The following BRWD1 variants were observed in gnomAD, a reference collection of about 807,000 sequenced individuals.
BRWD1 encodes bromodomain and WD repeat-containing protein 1.
A neutral mutation model predicts 251.2 loss-of-function variants in BRWD1; 82 were observed. That is an observed-to-expected ratio of 0.33 (90% confidence interval 0.27 to 0.39). The LOEUF (loss-of-function observed/expected upper bound fraction) is 0.39. BRWD1 is among the 10% of genes least tolerant of loss of function. BRWD1 has a pLI of 1.00. For synonymous variants in BRWD1, 918 were observed against 902.8 expected, an observed-to-expected ratio of 1.02 and a Z score of -0.30; for missense variants, 2,233 against 2,711.6, an observed-to-expected ratio of 0.82 and a Z score of 3.92.
At position 39,196,935 on chromosome 21, in the gene BRWD1, T is replaced by C. The variant is rs2146454650; in HGVS notation, c.6134A>G (p.Lys2045Arg). The change falls in exon 41 of 41, where the codon AAA (lysine) becomes AGA (arginine). Residue 2045 changes from lysine to arginine, a missense_variant. By Grantham distance (26) the Lys-to-Arg change is conservative. This residue lies in a region of BRWD1 where 928 missense variants were observed against 970.0 expected (regional missense o/e 0.96). Coordinates refer to ENST00000342449, the MANE Select transcript of BRWD1 (RefSeq NM_033656.4). ...TCCTGAAGATGTAACAGAGGAACTT[T>C]TTCTTTTAGAAGGTGCATCTATTTT... ...IHKIDAPSKR[K>R]SSSVTSSGED... The C allele has an allele frequency of 1.2e-6, 2 of 1,613,918 alleles. No individual in the cohort carries two copies. The highest frequency in any genetic ancestry group is 1.7e-5 in the Admixed American group (1 of 60,016).
At chr21:39,211,350 G>T (rs2032649079) in intron 34 of BRWD1, among the ~76,000 whole-genome samples, 1 of 152,154 alleles carries the variant, frequency 6.6e-6, no homozygotes, top group Non-Finnish European at 1.5e-5. Flanking sequence ...AAGGTATTTT[G>T]CATTAAGGGT....
In BRWD1 at chr21:39,187,699, A is replaced by G; in HGVS notation, c.*8560T>C. The G allele has an allele frequency of 1.0e-6, 1 of 985,382 alleles. No homozygotes were observed. Among genetic ancestry groups the G allele is most frequent in the African/African-American group, 1.7e-5 (1 of 57,360 alleles). The allele number at this position is 985,382 out of a possible 1,614,324, so 61.0% of individuals were successfully genotyped here. A position where few individuals can be genotyped will look rare whatever the true frequency, so the allele number is the denominator to read the frequency against. On this transcript the variant is annotated 3_prime_UTR_variant, in exon 41 of 41. Transcript: ENST00000342449. ...CGGCATCATAAAGCTGCTAATCTAA[A>G]AACATATATATGAGCATTTTACATA...
At chr21:39,266,198 A>T (rs2034915644) in intron 15 of BRWD1, among the ~76,000 whole-genome samples, 1 of 152,208 alleles carries the variant, frequency 6.6e-6, no homozygotes, top group Non-Finnish European at 1.5e-5. Context: ...GACAATTAGC[A>T]AACGTGGAAA....
Position 39,192,813 on chromosome 21 carries a change from C to T in BRWD1, c.*3446G>A. The T allele has an allele frequency of 2.0e-6, 2 of 985,114 alleles. No individual in the cohort carries two copies. Among genetic ancestry groups the T allele is most frequent in the Non-Finnish European group, 1.2e-6 (1 of 829,752 alleles). 61.0% of individuals were successfully genotyped at this position (985,114 alleles called of 1,614,324 possible). A position where few individuals can be genotyped will look rare whatever the true frequency, so the allele number is the denominator to read the frequency against. On this transcript the variant is annotated 3_prime_UTR_variant, in exon 41 of 41. Coordinates refer to ENST00000342449, the MANE Select transcript of BRWD1 (RefSeq NM_033656.4). ...TTCTTGCATTCTACTGATATACAAA[C>T]CTCTGGGGTTTCAGTTGGCACAATC...
intron 15 of BRWD1, among the ~76,000 whole-genome samples, chr21:39,268,559 A>G (rs150943029): frequency 2.4e-4 from 37 of 152,278 alleles, no homozygotes; most frequent in African/African-American, 8.2e-4. Flanking sequence ...TTAAAAAACT[A>G]TAACAATCTA....
At chr21:39,204,894 G>A (rs895817998) in intron 37 of BRWD1, among the ~76,000 whole-genome samples, 1 of 152,170 alleles carries the variant, frequency 6.6e-6, no homozygotes, top group Non-Finnish European at 1.5e-5. Flanking sequence ...ATGCTTGTTT[G>A]CCAGCCAATC....
chr21:39,216,339 T>C (rs1035402511), intron 31 of BRWD1, among the ~76,000 whole-genome samples: 1 of 152,012 alleles, frequency 6.6e-6, no homozygotes, highest in African/African-American at 2.4e-5. Flanking sequence ...TGTAGTTAAA[T>C]AGAAATTTAA....
chr21:39,239,303 T>C (rs1601355900), intron 21 of BRWD1, among the ~76,000 whole-genome samples: 1 of 152,116 alleles, frequency 6.6e-6, no homozygotes, highest in Non-Finnish European at 1.5e-5. Flanking sequence ...TTCTAGAAGT[T>C]TTATGGTTTT....
At chr21:39,230,104 C>T (rs2033551322) in intron 25 of BRWD1, among the ~76,000 whole-genome samples, 1 of 152,186 alleles carries the variant, frequency 6.6e-6, no homozygotes, top group African/African-American at 2.4e-5. Context: ...TCTACTTATT[C>T]ATAAGTGTTC....
rs992219024 is a variant in BRWD1, at chr21:39,192,238, C to T, written c.*4021G>A. 3 of 967,940 alleles carry T rather than the reference C, an allele frequency of 3.1e-6. No individual in the cohort carries two copies. Among genetic ancestry groups the T allele is most frequent in the Non-Finnish European group, 2.4e-6 (2 of 824,328 alleles). The allele number at this position is 967,940 out of a possible 1,614,324, so 60.0% of individuals were successfully genotyped here. On this transcript the variant is annotated 3_prime_UTR_variant, in exon 41 of 41. Coordinates refer to ENST00000342449, the MANE Select transcript of BRWD1 (RefSeq NM_033656.4). Reference sequence around the variant, plus strand: ...CTTAAAATCGTAAGAAAAGACAACACAGCCCTTAGCATTACATACTTTACT... The same window carrying T: ...CTTAAAATCGTAAGAAAAGACAACATAGCCCTTAGCATTACATACTTTACT...
At position 39,199,266 on chromosome 21, in the gene BRWD1, T is replaced by C; in HGVS notation, c.5150A>G (p.Asn1717Ser). 1 of 1,614,212 alleles carries C rather than the reference T, an allele frequency of 6.2e-7. No individual in the cohort carries two copies. The highest frequency in any genetic ancestry group is 8.5e-7 in the Non-Finnish European group (1 of 1,180,040). The change falls in exon 40 of 41, where the codon AAC becomes AGC. Residue 1717 changes from asparagine (N) to serine (S), a missense_variant. Physicochemically the swap from Asn to Ser is conservative, Grantham distance 46. Around this residue, in one of 12 missense-constraint regions of BRWD1, gnomAD observed 928 missense variants for 970.0 expected, o/e 0.96. Coordinates refer to ENST00000342449, the MANE Select transcript of BRWD1 (RefSeq NM_033656.4). Reference sequence around the variant, plus strand: ...ATCACTTTCTGACTCTGAGTCTCTGTTTTCAGATTCATCAACATTGCTCTG... The same window carrying C: ...ATCACTTTCTGACTCTGAGTCTCTGCTTTCAGATTCATCAACATTGCTCTG... ...TAQSNVDESE[N>S]RDSESESDLR...
At position 39,294,183 on chromosome 21, in the gene BRWD1, G is replaced by C. The variant is rs570099958; in HGVS notation, c.610-151C>G. ...ATGTAATAAATTATGACTATGGTCA[G>C]AACACCTATGGAATAATAGTATTTT... is the stretch of plus-strand genomic sequence containing the variant. On this transcript the variant is annotated intron_variant, in intron 7 of 40. Coordinates refer to ENST00000342449, the MANE Select transcript of BRWD1 (RefSeq NM_033656.4). The C allele has an allele frequency of 1.8e-5, 12 of 675,030 alleles. No homozygotes were observed. The Admixed American group carries it at 3.2e-4, about 18-fold the overall frequency. The allele number at this position is 675,030 out of a possible 1,614,324, so 41.8% of individuals were successfully genotyped here. A position where few individuals can be genotyped will look rare whatever the true frequency, so the allele number is the denominator to read the frequency against.
intron 20 of BRWD1, among the ~76,000 whole-genome samples, chr21:39,248,585 T>C (rs1213189807): frequency 3.0e-5 from 4 of 134,346 alleles, no homozygotes; most frequent in Non-Finnish European, 6.1e-5. Context: ...CTGCAGTGAG[T>C]GAGCCATGAT....
chr21:39,308,835 C>G (rs1016894214), intron 4 of BRWD1, among the ~76,000 whole-genome samples: 16 of 152,140 alleles, frequency 1.1e-4, no homozygotes, highest in African/African-American at 3.9e-4. Context: ...TCCAGTAAAT[C>G]AATGGCATAG....
chr21:39,205,752 C>G (rs561862919), intron 37 of BRWD1, among the ~76,000 whole-genome samples: 12 of 152,010 alleles, frequency 7.9e-5, no homozygotes, highest in African/African-American at 2.7e-4. Context: ...ACCTAGGTAA[C>G]AGAGAGAGAC....
At chr21:39,320,438 G>A (rs747325384) in intron 1 of BRWD1, among the ~76,000 whole-genome samples, 3 of 151,954 alleles carry the variant, frequency 2.0e-5, no homozygotes, top group Non-Finnish European at 4.4e-5. Context: ...AGGCACAATT[G>A]ATCCTCCCAC....
In BRWD1 at chr21:39,191,581, T is replaced by C; in HGVS notation, c.*4678A>G. On this transcript the variant is annotated 3_prime_UTR_variant, in exon 41 of 41. Transcript: ENST00000342449. ...CTCATGTAATTTTTTGATTGGGATT[T>C]TGTAGGTGAATATATAGTTGCAGTC... 1.0e-6 allele frequency: 1 copy of C among 984,908 alleles called. No individual in the cohort carries two copies. The highest frequency in any genetic ancestry group is 1.2e-6 in the Non-Finnish European group (1 of 829,518). 61.0% of individuals were successfully genotyped at this position (984,908 alleles called of 1,614,324 possible).
chr21:39,257,798 A>ATG (rs2034608450), intron 18 of BRWD1, among the ~76,000 whole-genome samples: 1 of 152,184 alleles, frequency 6.6e-6, no homozygotes, highest in Non-Finnish European at 1.5e-5. Context: ...ACACATAGGA[A>ATG]TGTGTGTGTG....
upstream of BRWD1, chr21:39,314,478 GA>G (rs1157828612): frequency 4.8e-5 from 18 of 371,730 alleles, no homozygotes; most frequent in East Asian, 1.1e-3. Flanking sequence ...CCCTCCTTAG[GA>G]AGAGAAGCCG....
Sources: gnomAD v4.1 joint callset for allele counts (sites outside exome capture counted in the v4.1 genomes callset) on GRCh38, gnomAD v4.1.1 for gene constraint, gnomAD v4.1.1 regional missense constraint, MANE v1.5 for transcripts, NCBI Gene and HGNC (gene_info 2026-07-23, HGNC 2026-07-21) for gene names.